MYO5C: variants seen among roughly 807,000 people sequenced by gnomAD.
MYO5C encodes the protein myosin VC.
MYO5C carries 194 observed loss-of-function variants against 235.7 expected under a neutral mutation model. The ratio of observed to expected loss-of-function variants is 0.82; its 90% CI spans 0.73 to 0.93. The LOEUF is 0.93. Among genes scored for constraint, MYO5C ranks in the 40% least tolerant of loss-of-function variants. The pLI is 0.00. For synonymous variants in MYO5C, 707 were observed against 754.8 expected, an observed-to-expected ratio of 0.94 and a Z score of 1.04; for missense variants, 2,038 against 2,127.2, an observed-to-expected ratio of 0.96 and a Z score of 0.82.
At chr15:52,285,786 G>C (rs987649841) in intron 1 of MYO5C, among the ~76,000 whole-genome samples, 75 of 152,200 alleles carry the variant, frequency 4.9e-4, no homozygotes, top group Non-Finnish European at 8.7e-4. Context: ...TGGTGCCCAG[G>C]CTGGAGTGCA....
chr15:52,257,723 G>T (rs2036612978), intron 10 of MYO5C, among the ~76,000 whole-genome samples: 1 of 152,202 alleles, frequency 6.6e-6, no homozygotes, highest in Admixed American at 6.5e-5. Flanking sequence ...ACCATGGTGA[G>T]GACCAACAGC....
intron 30 of MYO5C, among the ~76,000 whole-genome samples, chr15:52,220,204 CCAT>C (rs2035645037): frequency 6.6e-6 from 1 of 152,174 alleles, no homozygotes; most frequent in Non-Finnish European, 1.5e-5. Flanking sequence ...CATTTTTAAA[CCAT>C]CATTTAAAAA....
intron 10 of MYO5C, 162 bp from the exon 11 acceptor site, chr15:52,256,882 G>T: frequency 1.7e-6 from 1 of 578,766 alleles, no homozygotes; most frequent in South Asian, 2.2e-5. Context: ...CTAGTAGTCA[G>T]TTTATAAATA....
At chr15:52,282,214 G>A (rs2037174433) in intron 2 of MYO5C, among the ~76,000 whole-genome samples, 1 of 151,982 alleles carries the variant, frequency 6.6e-6, no homozygotes, top group East Asian at 1.9e-4. Context: ...CACAAAGCTG[G>A]GTGTCCATGT....
rs1027291650 is a variant in MYO5C at position 52,229,139 on chromosome 15, C to T, written c.3201G>A (p.Gln1067=). The change falls in exon 25 of 41, where the codon CAG becomes CAA. Residue 1067 remains glutamine (Q), a synonymous_variant. Coordinates refer to ENST00000261839, the MANE Select transcript of MYO5C (RefSeq NM_018728.4). ...AACGTGAGAGCCGCTCTACCTTGAC[C>T]TGCTTGCTCAGGCGGGCCACTTCCG... The part of the protein sequence containing the change: ...LKAEVARLSK[Q]VKTISEFEKE... 6.2e-7 allele frequency: 1 copy of T among 1,614,168 alleles called. No homozygotes were observed. Among genetic ancestry groups the T allele is most frequent in the Non-Finnish European group, 8.5e-7 (1 of 1,180,038 alleles).
intron 11 of MYO5C, among the ~76,000 whole-genome samples, chr15:52,254,173 C>T (rs545218946): frequency 6.6e-6 from 1 of 152,240 alleles, no homozygotes; most frequent in East Asian, 1.9e-4. Context: ...ACCTTCACAC[C>T]CTCCTTAGAG....
At chr15:52,221,125 C>T (rs751213205) in intron 30 of MYO5C, 37 bp downstream of exon 30, 24 of 1,522,578 alleles carry the variant, frequency 1.6e-5, no homozygotes, top group Admixed American at 1.1e-4. Flanking sequence ...TACAGGAAAC[C>T]GTTTTCTAAA....
At chr15:52,262,115 A>G (rs146468530) in intron 9 of MYO5C, among the ~76,000 whole-genome samples, 231 of 152,322 alleles carry the variant, frequency 1.5e-3, no homozygotes, top group African/African-American at 5.3e-3. Flanking sequence ...TGAGTCAAAA[A>G]CAATTCAGCT....
chr15:52,235,782 A>G lies in MYO5C; in HGVS notation c.2869-19T>C, dbSNP rs763682196. ...CCAATTTCTAGCAGAGGGAAGGGGG[A>G]AAAACAAACTTTTTTGAAAACCTCA... is the stretch of plus-strand genomic sequence containing the variant. On this transcript the variant is annotated intron_variant, in intron 22 of 40. Coordinates refer to ENST00000261839, the MANE Select transcript of MYO5C (RefSeq NM_018728.4). 1.8e-4 allele frequency: 287 copies of G among 1,570,800 alleles called. No homozygotes were observed. The highest frequency in any genetic ancestry group is 2.3e-4 in the Non-Finnish European group (268 of 1,151,152).
At position 52,224,770 on chromosome 15, in the gene MYO5C, T is replaced by A; in HGVS notation, c.3446+131A>T. 5.6e-6 allele frequency: 4 copies of A among 710,704 alleles called. No homozygotes were observed. The South Asian group carries it at 5.8e-5, about 10-fold the overall frequency. The allele number at this position is 710,704 out of a possible 1,614,324, so 44.0% of individuals were successfully genotyped here. On this transcript the variant is annotated intron_variant, in intron 28 of 40. Coordinates refer to ENST00000261839, the MANE Select transcript of MYO5C (RefSeq NM_018728.4). ...CTTACTTACTTCTCAGAGAAATATT[T>A]CTAGTGGTTATTCAGTCATTCTACT...
At chr15:52,251,888 C>A (rs2036480996) in intron 12 of MYO5C, among the ~76,000 whole-genome samples, 1 of 152,096 alleles carries the variant, frequency 6.6e-6, no homozygotes, top group Admixed American at 6.6e-5. Context: ...TGGCCTCCAA[C>A]TCCTAACCTC....
intron 23 of MYO5C, 138 bp from the exon 24 acceptor site, chr15:52,232,823 C>CCTG: frequency 2.9e-6 from 2 of 692,974 alleles, no homozygotes; most frequent in Non-Finnish European, 4.9e-6. Context: ...GAGAGTATAG[C>CCTG]TCATTTTTTA....
At chr15:52,264,411 G>C in intron 8 of MYO5C, 115 bp from the exon 9 acceptor site, 1 of 812,254 alleles carries the variant, frequency 1.2e-6, no homozygotes, top group Non-Finnish European at 2.0e-6. Flanking sequence ...CTCTGGGACA[G>C]GAACGTGAAG....
intron 24 of MYO5C, among the ~76,000 whole-genome samples, chr15:52,230,820 G>A (rs925548862): frequency 9.6e-5 from 14 of 146,380 alleles, no homozygotes; most frequent in Non-Finnish European, 1.8e-4. Flanking sequence ...GCAGCCAGAA[G>A]TCTTCCTTTT....
At chr15:52,287,242 G>C (rs2037295783) in intron 1 of MYO5C, among the ~76,000 whole-genome samples, 1 of 152,182 alleles carries the variant, frequency 6.6e-6, no homozygotes, top group African/African-American at 2.4e-5. Flanking sequence ...GAATGACCTG[G>C]CAGGCAGTGA....
rs971546344 is a variant in MYO5C, at chr15:52,237,279, C to T, written c.2868+203G>A. 5.4e-5 allele frequency: 29 copies of T among 535,892 alleles called. No individual in the cohort carries two copies. In the Admixed American group the frequency reaches 5.8e-4, roughly 11 times the overall value. 33.2% of individuals were successfully genotyped at this position (535,892 alleles called of 1,614,324 possible). ...GAGAAAACCTATGTTGCATTTCTCT[C>T]ATTATTAACCTCCTCCCTTCCCCTA... On this transcript the variant is annotated intron_variant, in intron 22 of 40. Coordinates refer to ENST00000261839, the MANE Select transcript of MYO5C (RefSeq NM_018728.4).
At chr15:52,279,748 G>C in intron 2 of MYO5C, 74 bp from the exon 3 acceptor site, 2 of 1,417,694 alleles carry the variant, frequency 1.4e-6, no homozygotes, top group Non-Finnish European at 1.9e-6. Context: ...ACTGTCCTTT[G>C]TCCTATCCAC....
chr15:52,262,247 TC>T (rs1203502618), intron 9 of MYO5C, among the ~76,000 whole-genome samples: 1 of 152,236 alleles, frequency 6.6e-6, no homozygotes, highest in African/African-American at 2.4e-5. Flanking sequence ...TGGAGATGGA[TC>T]CCAAATCTAG....
Position 52,225,466 on chromosome 15 carries a change from C to T in MYO5C, c.3274G>A (p.Val1092Met), listed in dbSNP as rs557336658. 2.5e-6 allele frequency: 4 copies of T among 1,613,704 alleles called. No homozygotes were observed. Among genetic ancestry groups the T allele is most frequent in the South Asian group, 2.2e-5 (2 of 91,066 alleles). The stretch of plus-strand genomic sequence containing the variant: ...CTCATTTCCCGTTTTTGTGACTGCA[C>T]ATGTTTCTCCACATCTATCTTCTGT... The part of the protein sequence containing the change: ...QAQKIDVEKH[V>M]QSQKREMREK... The change falls in exon 26 of 41, where the codon GTG (valine) becomes ATG (methionine). Residue 1092 changes from valine (V) to methionine (M), a missense_variant. Transcript: ENST00000261839.
Sources: allele counts gnomAD v4.1 joint callset (sites outside exome capture counted in the v4.1 genomes callset), GRCh38; gene constraint gnomAD v4.1.1; transcripts MANE v1.5; gene names NCBI Gene and HGNC (gene_info 2026-07-23, HGNC 2026-07-21).